Variants in EFNA5 observed in about 807,000 individuals in gnomAD.
EFNA5 encodes ephrin A5, also known as ephrin-A5.
Under a neutral mutation model 22.9 loss-of-function variants are expected in EFNA5, and 5 were observed. The ratio of observed to expected loss-of-function variants is 0.22; its 90% CI spans 0.11 to 0.46. The LOEUF is 0.46. EFNA5 is among the 20% of genes least tolerant of loss of function. The probability of loss-of-function intolerance (pLI) is 0.99; values close to 1 mark genes in which losing one functional copy is unlikely to be tolerated. For synonymous variants in EFNA5, 113 were observed against 112.2 expected (o/e 1.01, Z -0.04); for missense variants, 237 against 293.3 (o/e 0.81, Z 1.40).
At chr5:107,443,037 T>A (rs528720504) in intron 1 of EFNA5, among the ~76,000 whole-genome samples, 13 of 151,170 alleles carry the variant, frequency 8.6e-5, no homozygotes, top group Admixed American at 7.3e-4. Flanking sequence ...GATATCCAAA[T>A]TTTCCCTGGG....
intron 1 of EFNA5, among the ~76,000 whole-genome samples, chr5:107,583,934 C>T (rs893154706): frequency 5.3e-5 from 8 of 151,306 alleles, no homozygotes; most frequent in Non-Finnish European, 8.8e-5. Flanking sequence ...TGACCACAGA[C>T]CTGCACACTT....
intron 1 of EFNA5, among the ~76,000 whole-genome samples, chr5:107,514,783 T>C (rs1747442034): frequency 6.6e-6 from 1 of 152,222 alleles, no homozygotes; most frequent in Non-Finnish European, 1.5e-5. Context: ...CTACGTGACC[T>C]GCCTCCCGTC....
At chr5:107,512,371 A>G (rs936422478) in intron 1 of EFNA5, among the ~76,000 whole-genome samples, 3 of 109,156 alleles carry the variant, frequency 2.7e-5, no homozygotes, top group Non-Finnish European at 6.6e-5. Context: ...ACAAAACAAC[A>G]ACAACAACAA....
At chr5:107,515,180 G>A (rs768739271) in intron 1 of EFNA5, among the ~76,000 whole-genome samples, 11 of 147,358 alleles carry the variant, frequency 7.5e-5, no homozygotes, top group Non-Finnish European at 1.4e-4. Context: ...GATTACAGGC[G>A]ACTGAGCCAC....
chr5:107,479,017 T>C (rs1044057434), intron 1 of EFNA5, among the ~76,000 whole-genome samples: 1 of 152,186 alleles, frequency 6.6e-6, no homozygotes, highest in Non-Finnish European at 1.5e-5. Context: ...TTTAAGAAAG[T>C]AATTTTAATT....
intron 1 of EFNA5, among the ~76,000 whole-genome samples, chr5:107,558,725 C>T (rs1219423854): frequency 1.3e-5 from 2 of 152,180 alleles, no homozygotes; most frequent in African/African-American, 4.8e-5. Flanking sequence ...TACGTCTGGA[C>T]TTACTTATTT....
chr5:107,497,241 T>A (rs1350491531), intron 1 of EFNA5, among the ~76,000 whole-genome samples: 3 of 152,218 alleles, frequency 2.0e-5, no homozygotes, highest in African/African-American at 7.2e-5. Context: ...ATCTCCTAAC[T>A]CATTTGTAGG....
chr5:107,504,450 T>C (rs1747209640), intron 1 of EFNA5, among the ~76,000 whole-genome samples: 1 of 152,162 alleles, frequency 6.6e-6, no homozygotes, highest in Admixed American at 6.5e-5. Context: ...ATGTGTCTTC[T>C]CTATTTGGAG....
At chr5:107,446,760 T>TA (rs11371732) in intron 1 of EFNA5, among the ~76,000 whole-genome samples, 55,454 of 151,460 alleles carry the variant, frequency 0.37, 10,241 homozygotes, top group East Asian at 0.53. Context: ...ATAAAAAACT[T>TA]AAAAAAATAA....
intron 1 of EFNA5, among the ~76,000 whole-genome samples, chr5:107,453,443 T>C (rs762742604): frequency 3.3e-5 from 5 of 152,224 alleles, no homozygotes; most frequent in Admixed American, 3.3e-4. Flanking sequence ...TAAAATATGC[T>C]GAGCCTATTA....
chr5:107,530,779 A>G (rs1056490333), intron 1 of EFNA5, among the ~76,000 whole-genome samples: 2 of 152,136 alleles, frequency 1.3e-5, no homozygotes, highest in African/African-American at 4.8e-5. Flanking sequence ...AACAATTCCC[A>G]CCTAGTAGGT....
At chr5:107,555,570 G>C (rs1273776210) in intron 1 of EFNA5, among the ~76,000 whole-genome samples, 1 of 152,200 alleles carries the variant, frequency 6.6e-6, no homozygotes, top group Non-Finnish European at 1.5e-5. Flanking sequence ...GCCATGTAGA[G>C]TAAGCACTGA....
At chr5:107,653,147 G>A (rs1050640015) in intron 1 of EFNA5, among the ~76,000 whole-genome samples, 2 of 152,044 alleles carry the variant, frequency 1.3e-5, no homozygotes, top group Non-Finnish European at 1.5e-5. Context: ...TTTCTTCCAA[G>A]TTCACCAAAA....
intron 1 of EFNA5, among the ~76,000 whole-genome samples, chr5:107,475,584 T>G (rs901642361): frequency 6.6e-6 from 1 of 152,128 alleles, no homozygotes; most frequent in Non-Finnish European, 1.5e-5. Context: ...TCAAAGTGCT[T>G]CAGAAGTTAT....
Position 107,552,501 on chromosome 5 carries a change from C to G in EFNA5, c.125+117988G>C, listed in dbSNP as rs141481376. Among the ~76,000 whole-genome samples the G allele has an allele frequency of 5.6e-4, 86 of 152,280 alleles. No individual in the cohort carries two copies. The East Asian group carries it at 0.012, about 22-fold the overall frequency. On this transcript the variant is annotated intron_variant, in intron 1 of 4. Coordinates refer to ENST00000333274, the MANE Select transcript of EFNA5 (RefSeq NM_001962.3). ...GAAGAAAACTGGGAAGTGACAGACT[C>G]AGTGATAACTACAGGCTCCAAAGTC...
intron 1 of EFNA5, among the ~76,000 whole-genome samples, chr5:107,668,740 C>T (rs984624457): frequency 2.0e-5 from 3 of 152,020 alleles, no homozygotes; most frequent in African/African-American, 7.3e-5. Context: ...AAAGCACAAA[C>T]GGGGAAAAAA....
intron 1 of EFNA5, among the ~76,000 whole-genome samples, chr5:107,477,411 C>T (rs1483661009): frequency 6.6e-6 from 1 of 152,086 alleles, no homozygotes; most frequent in South Asian, 2.1e-4. Context: ...GAACCAAAGT[C>T]GCATATGTGA....
chr5:107,420,069 G>C (rs951951751), intron 2 of EFNA5, among the ~76,000 whole-genome samples: 2 of 152,108 alleles, frequency 1.3e-5, no homozygotes, highest in African/African-American at 4.8e-5. Context: ...ACTGTCCAGA[G>C]CAAAACAATT....
chr5:107,382,967 T>C (rs924052027), intron 4 of EFNA5, among the ~76,000 whole-genome samples: 2 of 152,186 alleles, frequency 1.3e-5, no homozygotes, highest in African/African-American at 4.8e-5. Flanking sequence ...CGTGTCACAA[T>C]AAGGGTGCTT....
Sources: allele counts gnomAD v4.1 joint callset (sites outside exome capture counted in the v4.1 genomes callset), GRCh38; gene constraint gnomAD v4.1.1; transcripts MANE v1.5; gene names NCBI Gene and HGNC (gene_info 2026-07-23, HGNC 2026-07-21).